ZNF519: variants seen among roughly 807,000 people sequenced by gnomAD.
ZNF519 encodes zinc finger protein 519, also known as similar to Zinc finger protein 85 (Zinc finger protein HPF4) (HTF1).
Under a neutral mutation model 7.4 loss-of-function variants are expected in ZNF519, and 7 were observed. The ratio of observed to expected loss-of-function variants is 0.94; its 90% CI spans 0.54 to 1.77. ZNF519 has a LOEUF of 1.77. Among genes scored for constraint, ZNF519 ranks in the 40% most tolerant of loss-of-function variants. The pLI is 0.00. For missense variants in ZNF519, 586 were observed against 623.1 expected (o/e 0.94, Z 0.63); for synonymous variants, 179 against 203.3 (o/e 0.88, Z 1.02).
intron 2 of ZNF519, 131 bp downstream of exon 2, chr18:14,124,219 T>A: frequency 3.9e-6 from 3 of 760,800 alleles, no homozygotes; most frequent in Non-Finnish European, 5.8e-6. Context: ...ACTAGCAAAC[T>A]CCCATTTTTT....
downstream of ZNF519, chr18:14,071,538 C>T (rs1385753330): frequency 6.6e-6 from 1 of 152,188 alleles, no homozygotes; most frequent in Admixed American, 6.5e-5. Flanking sequence ...GTACTGTGTT[C>T]TCATACCTTG....
intron 1 of ZNF519, among the ~76,000 whole-genome samples, chr18:14,126,777 C>T (rs2046301225): frequency 6.6e-6 from 1 of 152,144 alleles, no homozygotes. Context: ...AGGAACAAAC[C>T]CTGGCTGAAC....
chr18:14,072,275 T>G (rs2046031047), downstream of ZNF519: 1 of 152,200 alleles, frequency 6.6e-6, no homozygotes, highest in African/African-American at 2.4e-5. Flanking sequence ...CGTTTTTAAG[T>G]TACAGTAGCA....
rs774571924 is a variant in ZNF519 at position 14,106,108 on chromosome 18, T to G, written c.432A>C (p.Lys144Asn). The part of the protein sequence containing the change: ...APTEPCIPMN[K>N]YQHKFLKSVF... ...CAGATTTCAAAAATTTATGTTGATA[T>G]TTATTCATAGGAATACATGGTTCTG... The change falls in exon 3 of 3, where the codon AAA becomes AAC. Residue 144 changes from lysine to asparagine, a missense_variant. Physicochemically the swap from Lys to Asn is moderately conservative, Grantham distance 94 (BLOSUM62 0). Coordinates refer to ENST00000590202, the MANE Select transcript of ZNF519 (RefSeq NM_145287.4). 5.0e-6 allele frequency: 8 copies of G among 1,607,830 alleles called. No individual in the cohort carries two copies. The East Asian group carries it at 1.8e-4, about 36-fold the overall frequency.
chr18:14,123,812 CTAGAG>C (rs1239775227), intron 2 of ZNF519, among the ~76,000 whole-genome samples: 2 of 152,052 alleles, frequency 1.3e-5, no homozygotes, highest in African/African-American at 4.8e-5. Flanking sequence ...TACCACTAAT[CTAGAG>C]TAAAGGAAAC....
downstream of ZNF519, chr18:14,073,508 TG>T (rs1167760010): frequency 6.6e-6 from 1 of 152,188 alleles, no homozygotes; most frequent in East Asian, 1.9e-4. Flanking sequence ...TGACCTCAGG[TG>T]ATCTGCCTGC....
chr18:14,084,251 T>C (rs2046081234), intron 3 of ZNF519: 1 of 152,198 alleles, frequency 6.6e-6, no homozygotes, highest in South Asian at 2.1e-4. Context: ...TTCAGGCTTG[T>C]TTCTTAGGTA....
At chr18:14,112,698 T>C (rs897304340) in intron 2 of ZNF519, among the ~76,000 whole-genome samples, 3 of 152,030 alleles carry the variant, frequency 2.0e-5, no homozygotes, top group Admixed American at 1.3e-4. Flanking sequence ...CAAATTAAAA[T>C]AAAATACCTA....
chr18:14,085,883 C>G (rs1360736370), intron 2 of ZNF519, among the ~76,000 whole-genome samples: 3 of 152,196 alleles, frequency 2.0e-5, no homozygotes, highest in Non-Finnish European at 4.4e-5. Flanking sequence ...ATGTTCTGAC[C>G]TGCACCACCT....
At chr18:14,095,892 C>T (rs1420500150), downstream of ZNF519, among the ~76,000 whole-genome samples, 2 of 152,234 alleles carry the variant, frequency 1.3e-5, no homozygotes, top group African/African-American at 4.8e-5. Flanking sequence ...TCCCATGCTG[C>T]CAGGACCAAC....
At chr18:14,132,012 T>A (rs1394397099) in intron 1 of ZNF519, among the ~76,000 whole-genome samples, 2 of 152,112 alleles carry the variant, frequency 1.3e-5, no homozygotes, top group African/African-American at 4.8e-5. Flanking sequence ...CGAGTCGGCG[T>A]CTTTCCGATG....
At position 14,132,139 on chromosome 18, in the gene ZNF519, C is replaced by A. The variant is rs532095601; in HGVS notation, c.3+136G>T. ...CCGTGCAGGGACAGGACAGGACGCCCGGAGTCCCTGCACCGGAGGGGACTG... is the reference window on the plus strand; with the variant it reads ...CCGTGCAGGGACAGGACAGGACGCCAGGAGTCCCTGCACCGGAGGGGACTG... On this transcript the variant is annotated intron_variant, in intron 1 of 2. Coordinates refer to ENST00000590202, the MANE Select transcript of ZNF519 (RefSeq NM_145287.4). 1.2e-4 allele frequency: 122 copies of A among 991,292 alleles called. No individual in the cohort carries two copies. In the South Asian group the frequency reaches 1.5e-3, roughly 12 times the overall value. The allele number at this position is 991,292 out of a possible 1,614,324, so 61.4% of individuals were successfully genotyped here.
chr18:14,106,680 A>G (rs2046194669), intron 2 of ZNF519, among the ~76,000 whole-genome samples: 1 of 152,182 alleles, frequency 6.6e-6, no homozygotes, highest in African/African-American at 2.4e-5. Flanking sequence ...CCTGGTTTTA[A>G]CCTTGTACTA....
rs1389501188 is a variant in ZNF519 at position 14,103,456 on chromosome 18, A to G, written c.*1461T>C. 1 of 152,164 alleles carries G rather than the reference A, an allele frequency of 6.6e-6. No homozygotes were observed. The highest frequency in any genetic ancestry group is 1.5e-5 in the Non-Finnish European group (1 of 67,992). The allele number at this position is 152,164 out of a possible 1,614,324, so 9.4% of individuals were successfully genotyped here. ...AATACTCCTAATTAATGTGTTAAAG[A>G]AAAAATGAAACTGGAAAATATTTTC... On this transcript the variant is annotated 3_prime_UTR_variant, in exon 3 of 3. Transcript: ENST00000590202.
At position 14,100,279 on chromosome 18, in the gene ZNF519, T is replaced by C. The variant is rs994075604; in HGVS notation, c.*4638A>G. On this transcript the variant is annotated 3_prime_UTR_variant, in exon 3 of 3. Coordinates refer to ENST00000590202, the MANE Select transcript of ZNF519 (RefSeq NM_145287.4). ...TGCTAGTTTCTATTAAAATTAAACT[T>C]GTAACTACCCTATGAGCCAGGAATT... 1 of 152,152 alleles carries C rather than the reference T, an allele frequency of 6.6e-6. No individual in the cohort carries two copies. Among genetic ancestry groups the C allele is most frequent in the Non-Finnish European group, 1.5e-5 (1 of 68,022 alleles). 9.4% of individuals were successfully genotyped at this position (152,152 alleles called of 1,614,324 possible).
intron 2 of ZNF519, among the ~76,000 whole-genome samples, chr18:14,092,565 T>C (rs1365495280): frequency 3.3e-5 from 5 of 152,078 alleles, no homozygotes; most frequent in Non-Finnish European, 5.9e-5. Flanking sequence ...GGCCAGAGCC[T>C]TCCTTAGGCT....
At position 14,103,985 on chromosome 18, in the gene ZNF519, G is replaced by A. The variant is rs992665830; in HGVS notation, c.*932C>T. The A allele has an allele frequency of 1.3e-5, 2 of 151,980 alleles. No individual in the cohort carries two copies. Among genetic ancestry groups the A allele is most frequent in the Admixed American group, 6.6e-5 (1 of 15,256 alleles). The allele number at this position is 151,980 out of a possible 1,614,324, so 9.4% of individuals were successfully genotyped here. A position where few individuals can be genotyped will look rare whatever the true frequency, so the allele number is the denominator to read the frequency against. ...ATTACAGACTGCAAACATTCAAAAA[G>A]CATTCTTATTCTGATACCATGACCT... On this transcript the variant is annotated 3_prime_UTR_variant, in exon 3 of 3. Transcript: ENST00000590202.
At chr18:14,091,047 A>T (rs1411306212) in intron 2 of ZNF519, 1 of 152,228 alleles carries the variant, frequency 6.6e-6, no homozygotes, top group East Asian at 1.9e-4. Flanking sequence ...TATTTCTAAC[A>T]GTTATAAGTT....
chr18:14,127,843 G>T (rs543267687), intron 1 of ZNF519, among the ~76,000 whole-genome samples: 2 of 151,774 alleles, frequency 1.3e-5, no homozygotes, highest in African/African-American at 2.4e-5. Flanking sequence ...GATTTGGGGG[G>T]CACTTTGCTG....
Sources: allele counts gnomAD v4.1 joint callset (sites outside exome capture counted in the v4.1 genomes callset), GRCh38; gene constraint gnomAD v4.1.1; transcripts MANE v1.5; gene names NCBI Gene and HGNC (gene_info 2026-07-23, HGNC 2026-07-21).